EXOC4: variants seen among roughly 807,000 people sequenced by gnomAD.
EXOC4 encodes the protein exocyst complex component 4, also known as SEC8-like 1.
A neutral mutation model predicts 107.2 loss-of-function variants in EXOC4; 71 were observed. That is an observed-to-expected ratio of 0.66 (90% confidence interval 0.55 to 0.81). The LOEUF is 0.81. Ranked by LOEUF, EXOC4 falls within the 30% of genes least tolerant of loss-of-function variation. The pLI is 0.00. For missense variants in EXOC4, 1,108 were observed against 1,189.6 expected, an observed-to-expected ratio of 0.93 and a Z score of 1.01; for synonymous variants, 456 against 441.2, an observed-to-expected ratio of 1.03 and a Z score of -0.42.
chr7:133,400,902 CAGA>C (rs1191496563), intron 7 of EXOC4, among the ~76,000 whole-genome samples: 1 of 152,142 alleles, frequency 6.6e-6, no homozygotes, highest in East Asian at 1.9e-4. Context: ...AATTTGAAAA[CAGA>C]AGGACAGAGA....
intron 13 of EXOC4, among the ~76,000 whole-genome samples, chr7:133,928,822 A>G (rs1226724960): frequency 6.6e-6 from 1 of 151,984 alleles, no homozygotes; most frequent in Non-Finnish European, 1.5e-5. Context: ...GCAAGAGGTC[A>G]GAAGACAGTG....
intron 10 of EXOC4, among the ~76,000 whole-genome samples, chr7:133,775,643 G>A (rs1434930808): frequency 6.6e-6 from 1 of 152,156 alleles, no homozygotes; most frequent in Non-Finnish European, 1.5e-5. Flanking sequence ...AGGGAGAACT[G>A]TTGCACAGTT....
chr7:133,748,759 G>A (rs1191089774), intron 10 of EXOC4, among the ~76,000 whole-genome samples: 1 of 152,114 alleles, frequency 6.6e-6, no homozygotes, highest in Non-Finnish European at 1.5e-5. Flanking sequence ...TAAGATAAGG[G>A]ACTTGTCACC....
intron 7 of EXOC4, among the ~76,000 whole-genome samples, chr7:133,417,096 A>G (rs183860180): frequency 2.0e-5 from 3 of 152,338 alleles, no homozygotes; most frequent in Admixed American, 1.3e-4. Context: ...GAAGAATAGC[A>G]TACAGGGTGT....
At chr7:133,603,244 C>T (rs1801848980) in intron 9 of EXOC4, among the ~76,000 whole-genome samples, 1 of 152,140 alleles carries the variant, frequency 6.6e-6, no homozygotes, top group South Asian at 2.1e-4. Context: ...TTTGTTTTCT[C>T]TCTAGGTGCC....
At chr7:133,786,108 A>G (rs1442833248) in intron 10 of EXOC4, among the ~76,000 whole-genome samples, 3 of 152,372 alleles carry the variant, frequency 2.0e-5, no homozygotes, top group South Asian at 4.1e-4. Context: ...AAACCAATAC[A>G]AAAAAGCAGA....
At chr7:133,364,616 G>C (rs557578186) in intron 6 of EXOC4, among the ~76,000 whole-genome samples, 40 of 152,160 alleles carry the variant, frequency 2.6e-4, no homozygotes, top group Non-Finnish European at 5.1e-4. Context: ...TGGAATGTTT[G>C]GATGCAGGGC....
chr7:133,864,139 G>T (rs1396082663), intron 11 of EXOC4, among the ~76,000 whole-genome samples: 1 of 152,140 alleles, frequency 6.6e-6, no homozygotes, highest in Non-Finnish European at 1.5e-5. Flanking sequence ...TGTGTCCACT[G>T]TAGTTTTTGT....
intron 14 of EXOC4, among the ~76,000 whole-genome samples, chr7:133,980,245 C>T (rs186052275): frequency 6.6e-6 from 1 of 152,296 alleles, no homozygotes; most frequent in African/African-American, 2.4e-5. Context: ...ACATGAACAA[C>T]TAGGCCCACA....
At chr7:133,560,572 C>T (rs1800786359) in intron 9 of EXOC4, among the ~76,000 whole-genome samples, 2 of 152,178 alleles carry the variant, frequency 1.3e-5, no homozygotes, top group South Asian at 4.1e-4. Context: ...GCGTGAGCCA[C>T]TGTGCTGGGC....
chr7:133,253,560 G>T, intron 1 of EXOC4: 1 of 986,668 alleles, frequency 1.0e-6, no homozygotes, highest in Non-Finnish European at 1.2e-6. Flanking sequence ...TGAGAAAGGC[G>T]TCTTGTTTCC....
chr7:133,696,894 G>T (rs1473896427), intron 10 of EXOC4, among the ~76,000 whole-genome samples: 1 of 152,124 alleles, frequency 6.6e-6, no homozygotes, highest in African/African-American at 2.4e-5. Context: ...TCTTTCTGAT[G>T]ATTTTACAAA....
At position 133,741,004 on chromosome 7, in the gene EXOC4, C is replaced by G. The variant is rs190835466; in HGVS notation, c.1515-76321C>G. ...CCTGTTACTTGCAGCTCAATTAACA[C>G]TGGTGGAAACAGTCACATACAGGGT... On this transcript the variant is annotated intron_variant, in intron 10 of 17. Transcript: ENST00000253861. Among the ~76,000 whole-genome samples the G allele has an allele frequency of 3.9e-5, 6 of 152,290 alleles. No homozygotes were observed. In the East Asian group the frequency reaches 1.2e-3, roughly 29 times the overall value.
At chr7:133,414,789 G>A (rs1003089667) in intron 7 of EXOC4, among the ~76,000 whole-genome samples, 2 of 152,052 alleles carry the variant, frequency 1.3e-5, no homozygotes, top group African/African-American at 4.8e-5. Context: ...ATACCATACA[G>A]TTTACCAATT....
intron 14 of EXOC4, among the ~76,000 whole-genome samples, chr7:133,968,582 T>C (rs1801126728): frequency 6.6e-6 from 1 of 152,236 alleles, no homozygotes; most frequent in African/African-American, 2.4e-5. Flanking sequence ...AGGATTTTAT[T>C]TCTCCTTCAC....
chr7:133,765,922 T>C (rs1277533354), intron 10 of EXOC4, among the ~76,000 whole-genome samples: 2 of 152,034 alleles, frequency 1.3e-5, no homozygotes, highest in African/African-American at 4.8e-5. Context: ...GGAGCTCATG[T>C]AAAATCAGTC....
chr7:133,503,943 A>G (rs77461013), intron 9 of EXOC4, among the ~76,000 whole-genome samples: 6,025 of 151,896 alleles, frequency 0.04, 410 homozygotes, highest in African/African-American at 0.14. Context: ...ACAAAATGCT[A>G]TTGTTACATG....
intron 9 of EXOC4, among the ~76,000 whole-genome samples, chr7:133,522,955 A>G (rs757944532): frequency 6.6e-6 from 1 of 152,184 alleles, no homozygotes; most frequent in Non-Finnish European, 1.5e-5. Context: ...GGCATGGGCA[A>G]TACTTCGTTT....
intron 9 of EXOC4, among the ~76,000 whole-genome samples, chr7:133,509,871 T>C (rs1251748570): frequency 1.3e-5 from 2 of 152,224 alleles, no homozygotes; most frequent in African/African-American, 4.8e-5. Context: ...TTATTCCACA[T>C]GTATCACTGG....
Sources: allele counts gnomAD v4.1 joint callset (sites outside exome capture counted in the v4.1 genomes callset), GRCh38; gene constraint gnomAD v4.1.1; transcripts MANE v1.5; gene names NCBI Gene and HGNC (gene_info 2026-07-23, HGNC 2026-07-21).